Variants in KLHL29 observed in about 807,000 individuals in gnomAD.
The protein encoded by KLHL29 is kelch like family member 29, also known as kelch-like protein 29.
A neutral mutation model predicts 80.4 loss-of-function variants in KLHL29; 21 were observed. The ratio of observed to expected loss-of-function variants is 0.26; its 90% confidence interval spans 0.19 to 0.38. KLHL29 has a LOEUF of 0.38. Ranked by LOEUF, KLHL29 falls within the 10% of genes least tolerant of loss-of-function variation. KLHL29 has a pLI of 1.00. For synonymous variants in KLHL29, 511 were observed against 526.8 expected, an observed-to-expected ratio of 0.97 and a Z score of 0.41; for missense variants, 867 against 1,223.9, an observed-to-expected ratio of 0.71 and a Z score of 4.35.
rs1332495291 is a variant in KLHL29, at chr2:23,681,817, G to C, written c.941-2582G>C. Among the ~76,000 whole-genome samples the C allele has an allele frequency of 6.6e-6, 1 of 152,156 alleles. No homozygotes were observed. The highest frequency in any genetic ancestry group is 2.4e-5 in the African/African-American group (1 of 41,410). ...GGGGATGTCATCTACCTGGCTCGTGGTTTGGGCATTAATTCGGCTGGTGAC... is the reference window on the plus strand; with the variant it reads ...GGGGATGTCATCTACCTGGCTCGTGCTTTGGGCATTAATTCGGCTGGTGAC... On this transcript the variant is annotated intron_variant, in intron 5 of 13. Coordinates refer to ENST00000486442, the MANE Select transcript of KLHL29 (RefSeq NM_052920.2). The surrounding 1 kb of genome is among the most constrained non-coding windows in gnomAD (Gnocchi z 4.2).
intron 2 of KLHL29, among the ~76,000 whole-genome samples, chr2:23,480,346 G>A (rs1264944439): frequency 6.6e-6 from 1 of 152,266 alleles, no homozygotes; most frequent in Non-Finnish European, 1.5e-5. Flanking sequence ...AATTAGCCGG[G>A]CATGGTGACA....
rs200596332 is a variant in KLHL29 at position 23,388,491 on chromosome 2, TC to T, written c.-154+2712del. Among the ~76,000 whole-genome samples, 87 of 152,210 alleles carry T rather than the reference TC, an allele frequency of 5.7e-4. 1 individual carries two copies. The East Asian group carries it at 0.015, about 27-fold the overall frequency. On this transcript the variant is annotated intron_variant, in intron 1 of 13. Coordinates refer to ENST00000486442, the MANE Select transcript of KLHL29 (RefSeq NM_052920.2). ...TGTGGATTGAGTGTCACCGTTGTTA[TC>T]AACACCTGTCAGTTTAAGTGAGGCA...
intron 5 of KLHL29, among the ~76,000 whole-genome samples, chr2:23,645,567 C>A (rs915509813): frequency 6.6e-6 from 1 of 152,198 alleles, no homozygotes. Flanking sequence ...TTAAAGTCCC[C>A]GATATTCCCT....
chr2:23,573,117 A>G (rs1408112042), intron 3 of KLHL29, among the ~76,000 whole-genome samples: 1 of 152,198 alleles, frequency 6.6e-6, no homozygotes, highest in African/African-American at 2.4e-5. Flanking sequence ...TCGGGGGCGC[A>G]GATTTTACAT....
chr2:23,386,420 C>A (rs1666184197), intron 1 of KLHL29, among the ~76,000 whole-genome samples: 1 of 152,202 alleles, frequency 6.6e-6, no homozygotes, highest in African/African-American at 2.4e-5. Flanking sequence ...TTGTGACCCA[C>A]CCCACCCCGA....
chr2:23,540,759 C>T (rs1387538920), intron 2 of KLHL29, among the ~76,000 whole-genome samples: 11 of 152,272 alleles, frequency 7.2e-5, no homozygotes, highest in Admixed American at 7.2e-4. Flanking sequence ...ATCCCTCCTC[C>T]ACTGCCCTCT....
chr2:23,701,793 C>CTTTTTTTTTTTTT lies in KLHL29; in HGVS notation c.2106-1379_2106-1367dup, dbSNP rs70941586. Among the ~76,000 whole-genome samples, 44 of 22,540 alleles carry CTTTTTTTTTTTTT rather than the reference C, an allele frequency of 2.0e-3. 3 individuals are homozygous for CTTTTTTTTTTTTT. Among genetic ancestry groups the CTTTTTTTTTTTTT allele is most frequent in the Non-Finnish European group, 3.3e-3 (33 of 10,140 alleles). The allele number at this position is 22,540 out of a possible 152,430, so 14.8% of individuals were successfully genotyped here. On this transcript the variant is annotated intron_variant, in intron 11 of 13. Transcript: ENST00000486442. ...GCTTCGCACACATGGCTTTTTTTTG[C>CTTTTTTTTTTTTT]TTTTTTTTTTTTTTTTTTTTTTTTT...
At chr2:23,624,607 G>A (rs977411806) in intron 3 of KLHL29, among the ~76,000 whole-genome samples, 1 of 152,206 alleles carries the variant, frequency 6.6e-6, no homozygotes, top group Non-Finnish European at 1.5e-5. Context: ...ACTTCCCATA[G>A]ATGTGGTTTC....
At chr2:23,458,166 T>C (rs1338084589) in intron 1 of KLHL29, among the ~76,000 whole-genome samples, 1 of 152,212 alleles carries the variant, frequency 6.6e-6, no homozygotes, top group Non-Finnish European at 1.5e-5. Context: ...AGTCACTTAC[T>C]CAGCAGACAC....
At chr2:23,685,349 G>T (rs1412007749) in intron 6 of KLHL29, 1 of 152,276 alleles carries the variant, frequency 6.6e-6, no homozygotes. Flanking sequence ...AGCAGCCAAG[G>T]GGCCAGCCCA....
Position 23,470,805 on chromosome 2 carries a change from C to G in KLHL29, c.-153-4755C>G, listed in dbSNP as rs934318243. ...CTTACTCCATCTTTGCATCTTCACT[C>G]TCCCCTTTAAAAAGCAGTGCCTTCC... is the stretch of plus-strand genomic sequence containing the variant. On this transcript the variant is annotated intron_variant, in intron 1 of 13. Transcript: ENST00000486442. 2.6e-5 allele frequency among the ~76,000 whole-genome samples: 4 copies of G among 152,210 alleles called. No individual in the cohort carries two copies. In the South Asian group the frequency reaches 8.3e-4, roughly 31 times the overall value.
chr2:23,655,993 C>T (rs1485481742), intron 5 of KLHL29, among the ~76,000 whole-genome samples: 1 of 152,196 alleles, frequency 6.6e-6, no homozygotes, highest in African/African-American at 2.4e-5. Context: ...CTTAAGAGCA[C>T]AAAGTGGCAC....
chr2:23,564,582 A>G (rs1247594650), intron 3 of KLHL29, among the ~76,000 whole-genome samples: 1 of 151,986 alleles, frequency 6.6e-6, no homozygotes, highest in Admixed American at 6.6e-5. Flanking sequence ...CTTCCCGAGC[A>G]CCCCTGGCAG....
intron 1 of KLHL29, among the ~76,000 whole-genome samples, chr2:23,433,809 T>G (rs148151660): frequency 5.3e-5 from 8 of 152,112 alleles, no homozygotes; most frequent in Non-Finnish European, 8.8e-5. Flanking sequence ...GTCCGAGCTA[T>G]TCCGGAGGCT....
intron 2 of KLHL29, among the ~76,000 whole-genome samples, chr2:23,500,199 C>T (rs909250961): frequency 2.6e-5 from 4 of 152,090 alleles, no homozygotes; most frequent in African/African-American, 7.2e-5. Flanking sequence ...CACAGTGGTG[C>T]GTTCGTGTCA....
chr2:23,543,329 A>T (rs866458306), intron 2 of KLHL29, among the ~76,000 whole-genome samples: 1 of 152,152 alleles, frequency 6.6e-6, no homozygotes, highest in African/African-American at 2.4e-5. Flanking sequence ...GGGCACAGAC[A>T]TGGGCAGCGC....
intron 2 of KLHL29, among the ~76,000 whole-genome samples, chr2:23,552,778 T>TTTTTTTTTTTTTG (rs1667162986): frequency 6.8e-6 from 1 of 147,998 alleles, no homozygotes; most frequent in Non-Finnish European, 1.5e-5. Context: ...TTTTTTTTTT[T>TTTTTTTTTTTTTG]GAGATGGCGT....
chr2:23,699,958 C>CCAT (rs931108218), intron 11 of KLHL29, among the ~76,000 whole-genome samples: 8 of 152,212 alleles, frequency 5.3e-5, no homozygotes, highest in African/African-American at 1.9e-4. Context: ...GAAAATGGAG[C>CCAT]CATCAGTCAA....
chr2:23,394,100 C>T (rs1046377926), intron 1 of KLHL29, among the ~76,000 whole-genome samples: 13 of 152,208 alleles, frequency 8.5e-5, no homozygotes, highest in African/African-American at 1.4e-4. Context: ...GACCCAACAG[C>T]GGCCGGAACA....
Sources: gnomAD v4.1 joint callset for allele counts (sites outside exome capture counted in the v4.1 genomes callset) on GRCh38, gnomAD v4.1.1 for gene constraint, Gnocchi (gnomAD v3.1) non-coding constraint, MANE v1.5 for transcripts, NCBI Gene and HGNC (gene_info 2026-07-23, HGNC 2026-07-21) for gene names.